CCDC34: variants seen among roughly 807,000 people sequenced by gnomAD.
CCDC34 encodes coiled-coil domain containing 34.
A neutral mutation model predicts 44.1 loss-of-function variants in CCDC34; 40 were observed. The observed-to-expected ratio is 0.91, with a 90% CI of 0.70 to 1.18. CCDC34 has a LOEUF of 1.18. Ranked by LOEUF, CCDC34 falls within the 50% of genes most tolerant of loss-of-function variation. CCDC34 has a pLI of 0.00. For missense variants in CCDC34, 466 were observed against 452.3 expected (o/e 1.03, Z -0.28); for synonymous variants, 159 against 158.2 (o/e 1.01, Z -0.04).
At chr11:27,344,119 T>C (rs917339216) in intron 3 of CCDC34, among the ~76,000 whole-genome samples, 1 of 152,114 alleles carries the variant, frequency 6.6e-6, no homozygotes, top group Non-Finnish European at 1.5e-5. Context: ...TTAAAGATAC[T>C]CCATATTTTA....
intron 3 of CCDC34, chr11:27,350,021 G>A: frequency 4.1e-6 from 5 of 1,218,204 alleles, no homozygotes; most frequent in Non-Finnish European, 5.1e-6. Flanking sequence ...GGCAAAATGG[G>A]TTGTTTTAGA....
intron 2 of CCDC34, 116 bp from the exon 3 acceptor site, chr11:27,350,555 G>T: frequency 2.1e-6 from 2 of 961,586 alleles, no homozygotes; most frequent in Non-Finnish European, 3.0e-6. Context: ...CCTTTATGGA[G>T]CATATGCCAC....
intron 1 of CCDC34, among the ~76,000 whole-genome samples, chr11:27,359,924 G>A (rs1296814559): frequency 6.6e-6 from 1 of 152,182 alleles, no homozygotes; most frequent in African/African-American, 2.4e-5. Context: ...CAGGTCATGA[G>A]TTCCTTAAAG....
chr11:27,362,137 TGA>T (rs952287809), intron 1 of CCDC34, among the ~76,000 whole-genome samples: 4 of 152,236 alleles, frequency 2.6e-5, no homozygotes, highest in Admixed American at 2.6e-4. Context: ...CTTCAATTCA[TGA>T]GAGTAGAGAC....
intron 1 of CCDC34, among the ~76,000 whole-genome samples, chr11:27,360,938 G>A (rs187521878): frequency 2.0e-5 from 3 of 152,214 alleles, no homozygotes; most frequent in Non-Finnish European, 2.9e-5. Context: ...GACCAATGGA[G>A]AGAAAGAATG....
chr11:27,341,566 A>G lies in CCDC34; in HGVS notation c.607-16T>C. 8.8e-7 allele frequency: 1 copy of G among 1,133,728 alleles called. No individual in the cohort carries two copies. The highest frequency in any genetic ancestry group is 1.8e-5 in the South Asian group (1 of 55,474). 70.2% of individuals were successfully genotyped at this position (1,133,728 alleles called of 1,614,324 possible). Reference sequence around the variant, plus strand: ...CTTTTCTTTTCTTAAATAAAAATAGATAAAGTTTAATTGTAATACCAGTAA... The same window carrying G: ...CTTTTCTTTTCTTAAATAAAAATAGGTAAAGTTTAATTGTAATACCAGTAA... On this transcript the variant is annotated splice_polypyrimidine_tract_variant and intron_variant, in intron 3 of 5. Transcript: ENST00000328697.
chr11:27,362,939 C>T lies in CCDC34; in HGVS notation c.256G>A (p.Asp86Asn). ...QFDEDDGDGE[D>N]EEDVDDEEDV... ...TCCTCATCATCCACGTCTTCCTCAT[C>T]CTCCCCGTCACCGTCGTCCTCGTCA... is the stretch of plus-strand genomic sequence containing the variant. The change falls in exon 1 of 6, where the codon GAT (aspartate) becomes AAT (asparagine). Residue 86 changes from aspartate to asparagine, a missense_variant. By Grantham distance (23) the Asp-to-Asn change is conservative (BLOSUM62 1). Transcript: ENST00000328697. 1 of 1,614,180 alleles carries T rather than the reference C, an allele frequency of 6.2e-7. No individual in the cohort carries two copies. Among genetic ancestry groups the T allele is most frequent in the Non-Finnish European group, 8.5e-7 (1 of 1,180,034 alleles).
chr11:27,354,302 T>C (rs1862542188), intron 2 of CCDC34, among the ~76,000 whole-genome samples: 1 of 152,220 alleles, frequency 6.6e-6, no homozygotes, highest in African/African-American at 2.4e-5. Flanking sequence ...CCCTGCTACA[T>C]GCTTATCATT....
intron 3 of CCDC34, among the ~76,000 whole-genome samples, chr11:27,343,684 A>T (rs1862395467): frequency 6.6e-6 from 1 of 152,224 alleles, no homozygotes; most frequent in African/African-American, 2.4e-5. Context: ...ATTGTTTTTA[A>T]TTATAGCAGC....
At chr11:27,354,576 T>C (rs940641517) in intron 2 of CCDC34, among the ~76,000 whole-genome samples, 1 of 152,122 alleles carries the variant, frequency 6.6e-6, no homozygotes. Flanking sequence ...CAAGAATTTA[T>C]GGTTTTAAAC....
At chr11:27,345,735 G>C (rs1020381377) in intron 3 of CCDC34, among the ~76,000 whole-genome samples, 1 of 151,658 alleles carries the variant, frequency 6.6e-6, no homozygotes, top group East Asian at 1.9e-4. Context: ...GAATAGTGCC[G>C]CAATAAACAT....
intron 4 of CCDC34, 120 bp downstream of exon 4, chr11:27,341,272 C>A: frequency 1.7e-6 from 1 of 598,664 alleles, no homozygotes; most frequent in Middle Eastern, 2.9e-4. Flanking sequence ...AGGATAGCTT[C>A]TTGTGTTTAT....
intron 5 of CCDC34, 97 bp from the exon 6 acceptor site, chr11:27,339,132 G>A: frequency 1.2e-6 from 1 of 838,728 alleles, no homozygotes; most frequent in Non-Finnish European, 1.9e-6. Context: ...AATGTCAAAT[G>A]GACAAATTAT....
chr11:27,362,396 C>T (rs1228498413), intron 1 of CCDC34, among the ~76,000 whole-genome samples: 1 of 152,218 alleles, frequency 6.6e-6, no homozygotes, highest in African/African-American at 2.4e-5. Flanking sequence ...GACCTGTTTA[C>T]TACAACCTAC....
chr11:27,354,142 T>C lies in CCDC34; in HGVS notation c.498+3261A>G, dbSNP rs1590329160. Among the ~76,000 whole-genome samples the C allele has an allele frequency of 2.6e-5, 4 of 152,336 alleles. No homozygotes were observed. The South Asian group carries it at 8.3e-4, about 32-fold the overall frequency. ...CAACAAGCTGAGTAGTTGGCCTATA[T>C]GTTAGGATATCCCTGGCATAACTGA... On this transcript the variant is annotated intron_variant, in intron 2 of 5. Transcript: ENST00000328697.
intron 1 of CCDC34, among the ~76,000 whole-genome samples, chr11:27,360,792 T>C (rs535775056): frequency 5.3e-5 from 8 of 152,338 alleles, no homozygotes; most frequent in Middle Eastern, 3.4e-3. Flanking sequence ...TAGGTTGTAG[T>C]AAACAGGTCA....
chr11:27,360,074 TTTCC>T (rs1214625944), intron 1 of CCDC34, among the ~76,000 whole-genome samples: 5 of 152,230 alleles, frequency 3.3e-5, no homozygotes, highest in South Asian at 2.1e-4. Flanking sequence ...GAATATTAAA[TTTCC>T]TTCCTTAATA....
intron 3 of CCDC34, among the ~76,000 whole-genome samples, chr11:27,348,016 C>G (rs1340095798): frequency 6.6e-6 from 1 of 152,032 alleles, no homozygotes; most frequent in Non-Finnish European, 1.5e-5. Flanking sequence ...TCACTACTAC[C>G]GAGAGAGGAA....
chr11:27,341,572 T>C (rs1251847537), intron 3 of CCDC34, 22 bp from the exon 4 acceptor site: 1 of 1,110,774 alleles, frequency 9.0e-7, no homozygotes, highest in Non-Finnish European at 1.2e-6. Context: ...ATAGATAAAG[T>C]TTAATTGTAA....
Sources: allele counts gnomAD v4.1 joint callset (sites outside exome capture counted in the v4.1 genomes callset), GRCh38; gene constraint gnomAD v4.1.1; transcripts MANE v1.5; gene names NCBI Gene and HGNC (gene_info 2026-07-23, HGNC 2026-07-21).